The following CYP4B1 variants were observed in gnomAD, a reference collection of about 807,000 sequenced individuals.
CYP4B1 encodes the protein cytochrome P450 4B1.
In CYP4B1, 45 loss-of-function variants were observed where a neutral mutation model predicts 54.0. That is an observed-to-expected ratio of 0.83 (90% CI 0.66 to 1.07). The LOEUF is 1.07. CYP4B1 is among the 50% of genes least tolerant of loss of function. The pLI, the probability that CYP4B1 is intolerant of heterozygous loss-of-function variation, is 0.00. For missense variants in CYP4B1, 656 were observed against 655.4 expected (o/e 1.00, Z -0.01); for synonymous variants, 248 against 247.5 (o/e 1.00, Z -0.02).
At chr1:46,814,409 T>C in intron 7 of CYP4B1, 94 bp downstream of exon 7, 1 of 862,870 alleles carries the variant, frequency 1.2e-6, no homozygotes, top group East Asian at 2.7e-5. Flanking sequence ...CTTAAGCATT[T>C]CCCCCTTTCC....
At chr1:46,815,480 G>C in intron 8 of CYP4B1, 1 of 416,042 alleles carries the variant, frequency 2.4e-6, no homozygotes, top group Non-Finnish European at 4.2e-6. Context: ...CCTTTCAGAA[G>C]TGTTATGTAG....
chr1:46,809,057 C>T (rs1413648133), intron 1 of CYP4B1, among the ~76,000 whole-genome samples: 3 of 150,932 alleles, frequency 2.0e-5, no homozygotes, highest in Admixed American at 6.6e-5. Context: ...CAGCATGGCA[C>T]ATGTATACAT....
At chr1:46,806,938 C>G (rs1302588889) in intron 1 of CYP4B1, 1 of 152,190 alleles carries the variant, frequency 6.6e-6, no homozygotes, top group East Asian at 1.9e-4. Context: ...ACGTGTACCC[C>G]ACAGGGAGGA....
rs754375547 is a variant in CYP4B1, at chr1:46,814,255, G to A, written c.822G>A (p.Val274=). The A allele has an allele frequency of 1.7e-5, 27 of 1,614,060 alleles. No individual in the cohort carries two copies. The highest frequency in any genetic ancestry group is 2.0e-5 in the Non-Finnish European group (24 of 1,180,048). ...ERKAALQDEK[V]RKKIQNRRHL... ...AGGCAGCCCTGCAGGATGAGAAGGT[G>A]CGGAAGAAGATCCAGAACCGGAGGC... is the stretch of plus-strand genomic sequence containing the variant. The change falls in exon 7 of 12, where the codon GTG becomes GTA. Residue 274 remains valine, a synonymous_variant. Coordinates refer to ENST00000371923, the MANE Select transcript of CYP4B1 (RefSeq NM_001099772.2).
chr1:46,800,259 TTCCTTC>T (rs1678590526), intron 1 of CYP4B1, among the ~76,000 whole-genome samples: 1 of 109,062 alleles, frequency 9.2e-6, no homozygotes, highest in African/African-American at 3.4e-5. Flanking sequence ...CCTTCCTTCC[TTCCTTC>T]CTTCCTTCCT....
In CYP4B1 at chr1:46,818,653, G is replaced by C; in HGVS notation, c.1378G>C (p.Ala460Pro). The C allele has an allele frequency of 6.2e-7, 1 of 1,614,206 alleles. No homozygotes were observed. Among genetic ancestry groups the C allele is most frequent in the Non-Finnish European group, 8.5e-7 (1 of 1,180,018 alleles). ...GPRNCIGQQF[A>P]MSEMKVVTAM... ...CAGGAACTGCATTGGGCAGCAGTTTGCCATGAGTGAGATGAAGGTGGTCAC... is the reference window on the plus strand; with the variant it reads ...CAGGAACTGCATTGGGCAGCAGTTTCCCATGAGTGAGATGAAGGTGGTCAC... The change falls in exon 12 of 12, where the codon GCC becomes CCC. Residue 460 changes from alanine to proline, a missense_variant. Ala to Pro is a conservative substitution (Grantham distance 27). Coordinates refer to ENST00000371923, the MANE Select transcript of CYP4B1 (RefSeq NM_001099772.2).
chr1:46,799,323 G>C (rs915293331), intron 1 of CYP4B1, 62 bp downstream of exon 1: 14 of 1,475,356 alleles, frequency 9.5e-6, no homozygotes, highest in Non-Finnish European at 1.3e-5. Flanking sequence ...CAGAGAATCA[G>C]GCCTAATTCC....
At position 46,818,867 on chromosome 1, in the gene CYP4B1, C is replaced by A. The variant is rs1679447163; in HGVS notation, c.*53C>A. 1.9e-6 allele frequency: 3 copies of A among 1,572,490 alleles called. No individual in the cohort carries two copies. The South Asian group carries it at 3.4e-5, about 18-fold the overall frequency. ...CTCAGGCTGTGACCTCCCTGGGCACCACCCTCCCCAGGCTGGGTGTGGAGG... is the reference window on the plus strand; with the variant it reads ...CTCAGGCTGTGACCTCCCTGGGCACAACCCTCCCCAGGCTGGGTGTGGAGG... On this transcript the variant is annotated 3_prime_UTR_variant, in exon 12 of 12. Coordinates refer to ENST00000371923, the MANE Select transcript of CYP4B1 (RefSeq NM_001099772.2).
rs1328788596 is a variant in CYP4B1, at chr1:46,800,223, C to CTCTT, written c.180+977_180+980dup. ...TCTTTCTTTCTTTCTTTCTCTTTCT[C>CTCTT]TCTTTCTTTCTTTCTTTCCTTCCTT... is the stretch of plus-strand genomic sequence containing the variant. On this transcript the variant is annotated intron_variant, in intron 1 of 11. Coordinates refer to ENST00000371923, the MANE Select transcript of CYP4B1 (RefSeq NM_001099772.2). Among the ~76,000 whole-genome samples, 265 of 52,904 alleles carry CTCTT rather than the reference C, an allele frequency of 5.0e-3. 38 individuals are homozygous for CTCTT. The highest frequency in any genetic ancestry group is 0.016 in the African/African-American group (254 of 16,250). 34.7% of individuals were successfully genotyped at this position (52,904 alleles called of 152,430 possible). A position where few individuals can be genotyped will look rare whatever the true frequency, so the allele number is the denominator to read the frequency against.
rs1369422305 is a variant in CYP4B1, at chr1:46,814,296, A to T, written c.863A>T (p.Asp288Val). ...IQNRRHLDFL[D>V]ILLGARDEDD... ...AACCGGAGGCACCTGGACTTCCTGG[A>T]CATTCTCCTGGGTGCCCGGGTGAGT... The change falls in exon 7 of 12, where the codon GAC becomes GTC. Residue 288 changes from aspartate to valine, a missense_variant. Asp to Val is a radical substitution (Grantham distance 152). Coordinates refer to ENST00000371923, the MANE Select transcript of CYP4B1 (RefSeq NM_001099772.2). The T allele has an allele frequency of 1.9e-6, 3 of 1,613,930 alleles. No homozygotes were observed. Among genetic ancestry groups the T allele is most frequent in the Non-Finnish European group, 2.5e-6 (3 of 1,179,932 alleles).
rs764116365 is a variant in CYP4B1, at chr1:46,814,089, T to A, written c.775+26T>A. The A allele has an allele frequency of 7.4e-6, 12 of 1,613,086 alleles. No individual in the cohort carries two copies. The South Asian group carries it at 1.2e-4, about 16-fold the overall frequency. On this transcript the variant is annotated intron_variant, in intron 6 of 11. Transcript: ENST00000371923. ...GTGGGCCTTTCCCACAAGGCTCACC[T>A]CTAGGAAGCCTGGGTTCCTCCTCCT... is the stretch of plus-strand genomic sequence containing the variant.
chr1:46,818,908 CCTTCAGGAGG>C lies in CYP4B1; in HGVS notation c.*98_*107del. ...GGTGTGGAGGAGTTGGGGCCCCCTGCCTTCAGGAGGCTTGTAGTTTAGAAGGGAAGTAGGC... is the reference window on the plus strand; with the variant it reads ...GGTGTGGAGGAGTTGGGGCCCCCTGCCTTGTAGTTTAGAAGGGAAGTAGGC... On this transcript the variant is annotated 3_prime_UTR_variant, in exon 12 of 12. Transcript: ENST00000371923. 1 of 1,166,230 alleles carries C rather than the reference CCTTCAGGAGG, an allele frequency of 8.6e-7. No individual in the cohort carries two copies. Among genetic ancestry groups the C allele is most frequent in the Non-Finnish European group, 1.2e-6 (1 of 811,172 alleles). 72.2% of individuals were successfully genotyped at this position (1,166,230 alleles called of 1,614,324 possible).
chr1:46,816,987 G>T, intron 8 of CYP4B1, 61 bp from the exon 9 acceptor site: 2 of 1,593,542 alleles, frequency 1.3e-6, no homozygotes, highest in Admixed American at 1.7e-5. Context: ...GCTGGGGTCT[G>T]CTTTCTCGCC....
intron 10 of CYP4B1, 34 bp from the exon 11 acceptor site, chr1:46,818,097 C>A: frequency 6.2e-7 from 1 of 1,613,766 alleles, no homozygotes; most frequent in Non-Finnish European, 8.5e-7. Flanking sequence ...CTGCCAGAAC[C>A]TGGCGAGTGT....
intron 1 of CYP4B1, among the ~76,000 whole-genome samples, chr1:46,804,598 C>T (rs972489643): frequency 6.6e-5 from 10 of 151,534 alleles, no homozygotes; most frequent in Admixed American, 2.0e-4. Context: ...TTGGACAGGC[C>T]CTGCATGCTT....
In CYP4B1 at chr1:46,819,218, T is replaced by G. The variant is rs796926966; in HGVS notation, c.*404T>G. 6.4e-5 allele frequency: 11 copies of G among 170,872 alleles called. No homozygotes were observed. The South Asian group carries it at 1.7e-3, about 27-fold the overall frequency. The allele number at this position is 170,872 out of a possible 1,614,324, so 10.6% of individuals were successfully genotyped here. Reference sequence around the variant, plus strand: ...GGGTACCACCAAATAGAAGAATGGCTTAGGGGAGTGCCCCTTCACTGAGAT... The same window carrying G: ...GGGTACCACCAAATAGAAGAATGGCGTAGGGGAGTGCCCCTTCACTGAGAT... On this transcript the variant is annotated 3_prime_UTR_variant, in exon 12 of 12. Coordinates refer to ENST00000371923, the MANE Select transcript of CYP4B1 (RefSeq NM_001099772.2).
rs773363257 is a variant in CYP4B1, at chr1:46,815,124, C to T, written c.933C>T (p.Asp311=). 1.9e-6 allele frequency: 3 copies of T among 1,614,200 alleles called. No homozygotes were observed. Among genetic ancestry groups the T allele is most frequent in the East Asian group, 4.5e-5 (2 of 44,882 alleles). The change falls in exon 8 of 12, where the codon GAC becomes GAT. Residue 311 remains aspartate (D), a synonymous_variant. Transcript: ENST00000371923. ...ATGCAGACCTCCGGGCTGAAGTGGA[C>T]ACATTCATGTTTGAAGGCCATGACA... ...LSDADLRAEV[D]TFMFEGHDTT...
At position 46,812,527 on chromosome 1, in the gene CYP4B1, G is replaced by C; in HGVS notation, c.399G>C (p.Lys133Asn). 7 of 1,613,984 alleles carry C rather than the reference G, an allele frequency of 4.3e-6. No individual in the cohort carries two copies. The highest frequency in any genetic ancestry group is 5.9e-6 in the Non-Finnish European group (7 of 1,179,950). Reference sequence around the variant, plus strand: ...GCCTGCTGGTTCTTGAGGGGCCCAAGTGGTTGCAGCACCGCAAGCTGCTCA... The same window carrying C: ...GCCTGCTGGTTCTTGAGGGGCCCAACTGGTTGCAGCACCGCAAGCTGCTCA... Reference protein sequence around the residue: ...GRGLLVLEGPKWLQHRKLLTP... With the variant: ...GRGLLVLEGPNWLQHRKLLTP... The change falls in exon 4 of 12, where the codon AAG (lysine) becomes AAC (asparagine). Residue 133 changes from lysine to asparagine, a missense_variant. By Grantham distance (94) the Lys-to-Asn change is moderately conservative (BLOSUM62 0). Transcript: ENST00000371923.
chr1:46,799,240 G>A lies in CYP4B1; in HGVS notation c.159G>A (p.Trp53Ter), dbSNP rs1157663920. The A allele has an allele frequency of 6.3e-7, 1 of 1,598,508 alleles. No individual in the cohort carries two copies. The highest frequency in any genetic ancestry group is 1.3e-5 in the African/African-American group (1 of 74,714). Residue 53 changes from tryptophan (W) to a stop codon, truncating the protein, a stop_gained, in exon 1 of 12, where the codon TGG becomes TGA. Coordinates refer to ENST00000371923, the MANE Select transcript of CYP4B1 (RefSeq NM_001099772.2). LOFTEE classifies it high-confidence loss of function. Reference protein sequence around the residue: ...MDKFPGPPTHWLFGHALEIQE... With the variant: ...MDKFPGPPTH ...AATTCCCAGGGCCTCCCACCCACTG[G>A]CTTTTTGGACATGCCCTCGAGGTAT...
Sources: gnomAD v4.1 joint callset for allele counts (sites outside exome capture counted in the v4.1 genomes callset) on GRCh38, gnomAD v4.1.1 for gene constraint, MANE v1.5 for transcripts, NCBI Gene and HGNC (gene_info 2026-07-23, HGNC 2026-07-21) for gene names.